Variants in LRRTM4 observed in about 807,000 individuals in gnomAD.
The protein encoded by LRRTM4 is leucine-rich repeat transmembrane neuronal protein 4.
LRRTM4 carries 25 observed loss-of-function variants against 47.6 expected under a neutral mutation model. That is an observed-to-expected ratio of 0.53 (90% CI 0.38 to 0.73). The LOEUF (loss-of-function observed/expected upper bound fraction) is 0.73, where lower values mean the gene tolerates loss of function less well. Among genes scored for constraint, LRRTM4 ranks in the 30% least tolerant of loss-of-function variants. LRRTM4 has a pLI of 0.00. For synonymous variants in LRRTM4, 311 were observed against 269.5 expected (o/e 1.15, Z -1.51); for missense variants, 638 against 713.4 (o/e 0.89, Z 1.20).
intron 3 of LRRTM4, among the ~76,000 whole-genome samples, chr2:77,151,005 T>A (rs1272535116): frequency 1.3e-5 from 2 of 152,310 alleles, no homozygotes; most frequent in East Asian, 3.9e-4. Context: ...ATAATTGGTA[T>A]ACGAAAAACT....
intron 3 of LRRTM4, among the ~76,000 whole-genome samples, chr2:77,021,051 C>A (rs1208343599): frequency 1.3e-5 from 2 of 152,086 alleles, no homozygotes; most frequent in East Asian, 3.9e-4. Flanking sequence ...GTCCCTGGAA[C>A]AATAAGAAGC....
chr2:77,183,920 C>A (rs556346359), intron 3 of LRRTM4, among the ~76,000 whole-genome samples: 62 of 151,858 alleles, frequency 4.1e-4, no homozygotes, highest in African/African-American at 1.5e-3. Flanking sequence ...CATCACACAC[C>A]GGGGCCTGTC....
intron 3 of LRRTM4, among the ~76,000 whole-genome samples, chr2:77,448,825 A>G (rs1242087032): frequency 6.6e-6 from 1 of 152,136 alleles, no homozygotes; most frequent in Non-Finnish European, 1.5e-5. Context: ...TTAAGAATGC[A>G]TTTTCTTATG....
At chr2:76,983,205 G>A (rs1201772925) in intron 3 of LRRTM4, among the ~76,000 whole-genome samples, 1 of 151,956 alleles carries the variant, frequency 6.6e-6, no homozygotes, top group Non-Finnish European at 1.5e-5. Context: ...AATATTCAAG[G>A]TAATGGTATG....
At chr2:77,096,748 G>A (rs1173507746) in intron 3 of LRRTM4, among the ~76,000 whole-genome samples, 2 of 151,294 alleles carry the variant, frequency 1.3e-5, no homozygotes, top group East Asian at 3.9e-4. Flanking sequence ...TTCTATTATT[G>A]GGAAAAATGA....
At chr2:76,763,433 C>T (rs530413359) in intron 3 of LRRTM4, among the ~76,000 whole-genome samples, 2 of 152,278 alleles carry the variant, frequency 1.3e-5, no homozygotes, top group Admixed American at 1.3e-4. Context: ...TGGACAAAAA[C>T]AGTCATGTGA....
chr2:77,023,780 A>G (rs1678356052), intron 3 of LRRTM4, among the ~76,000 whole-genome samples: 2 of 152,150 alleles, frequency 1.3e-5, no homozygotes, highest in Non-Finnish European at 1.5e-5. Context: ...ACTTTCCCAC[A>G]TCTTCCTGTC....
At chr2:77,048,662 G>A (rs2103763126) in intron 3 of LRRTM4, among the ~76,000 whole-genome samples, 1 of 151,902 alleles carries the variant, frequency 6.6e-6, no homozygotes, top group South Asian at 2.1e-4. Context: ...ATAACTATAT[G>A]TTTTTTATGG....
chr2:77,379,669 G>A (rs1472258468), intron 3 of LRRTM4, among the ~76,000 whole-genome samples: 1 of 151,854 alleles, frequency 6.6e-6, no homozygotes, highest in Non-Finnish European at 1.5e-5. Context: ...ACGCCTTTGT[G>A]ATAATTCTTT....
intron 3 of LRRTM4, among the ~76,000 whole-genome samples, chr2:77,471,238 A>T (rs1489137152): frequency 6.6e-6 from 1 of 152,120 alleles, no homozygotes; most frequent in Non-Finnish European, 1.5e-5. Context: ...GTCATCATAC[A>T]GTTACTATAG....
chr2:77,294,109 C>G (rs933536479), intron 3 of LRRTM4, among the ~76,000 whole-genome samples: 1 of 152,026 alleles, frequency 6.6e-6, no homozygotes, highest in Non-Finnish European at 1.5e-5. Flanking sequence ...TTTCTTATCT[C>G]TGGATTGTAG....
chr2:76,918,384 A>G (rs1674324243), intron 3 of LRRTM4, among the ~76,000 whole-genome samples: 1 of 152,190 alleles, frequency 6.6e-6, no homozygotes, highest in Non-Finnish European at 1.5e-5. Context: ...TCAGGTTTAG[A>G]TCAAATCTCA....
intron 3 of LRRTM4, among the ~76,000 whole-genome samples, chr2:77,227,560 C>T (rs1674849610): frequency 6.6e-6 from 1 of 151,718 alleles, no homozygotes; most frequent in Admixed American, 6.6e-5. Context: ...GACAAAGATG[C>T]CCAATGACAA....
chr2:76,868,499 C>T (rs998219240), intron 3 of LRRTM4, among the ~76,000 whole-genome samples: 2 of 152,108 alleles, frequency 1.3e-5, no homozygotes, highest in Non-Finnish European at 2.9e-5. Flanking sequence ...CCCTTGAATA[C>T]ACATGTTAAA....
chr2:76,763,392 A>G (rs1294478934), intron 3 of LRRTM4, among the ~76,000 whole-genome samples: 1 of 152,226 alleles, frequency 6.6e-6, no homozygotes, highest in Non-Finnish European at 1.5e-5. Flanking sequence ...TCTTCATGAA[A>G]AGAAATAACA....
At chr2:77,215,755 G>T (rs539173715) in intron 3 of LRRTM4, among the ~76,000 whole-genome samples, 4 of 152,114 alleles carry the variant, frequency 2.6e-5, no homozygotes, top group Admixed American at 1.3e-4. Context: ...ATTGAACTTC[G>T]GTCAGTCTGG....
intron 3 of LRRTM4, among the ~76,000 whole-genome samples, chr2:77,053,814 C>T (rs140866401): frequency 6.6e-6 from 1 of 152,070 alleles, no homozygotes; most frequent in Non-Finnish European, 1.5e-5. Context: ...TATAAAATAT[C>T]TTCCCATTTA....
intron 3 of LRRTM4, among the ~76,000 whole-genome samples, chr2:77,041,606 AGAGT>A (rs1679036752): frequency 6.6e-6 from 1 of 151,368 alleles, no homozygotes; most frequent in Non-Finnish European, 1.5e-5. Context: ...CATTCTAGCT[AGAGT>A]GAGATGCTAT....
chr2:77,409,613 C>G (rs1674343307), intron 3 of LRRTM4, among the ~76,000 whole-genome samples: 1 of 151,934 alleles, frequency 6.6e-6, no homozygotes. Flanking sequence ...GACTTTTTTT[C>G]TTTTGAAGTA....
Sources: allele counts gnomAD v4.1 joint callset (sites outside exome capture counted in the v4.1 genomes callset), GRCh38; gene constraint gnomAD v4.1.1; transcripts MANE v1.5; gene names NCBI Gene and HGNC (gene_info 2026-07-23, HGNC 2026-07-21).